Variants in CDKAL1 observed in about 807,000 individuals in gnomAD.
The protein encoded by CDKAL1 is threonylcarbamoyladenosine tRNA methylthiotransferase.
CDKAL1 carries 32 observed loss-of-function variants against 68.2 expected under a neutral mutation model. That is an observed-to-expected ratio of 0.47 (90% CI 0.35 to 0.63). The LOEUF is 0.63. Among genes scored for constraint, CDKAL1 ranks in the 30% least tolerant of loss-of-function variants. The probability of loss-of-function intolerance (pLI) is 0.00; values close to 1 mark genes in which losing one functional copy is unlikely to be tolerated. For synonymous variants in CDKAL1, 234 were observed against 244.3 expected (o/e 0.96, Z 0.39); for missense variants, 606 against 696.7 (o/e 0.87, Z 1.47).
intron 13 of CDKAL1, among the ~76,000 whole-genome samples, chr6:21,120,804 G>A (rs544149554): frequency 6.6e-6 from 1 of 152,138 alleles, no homozygotes; most frequent in East Asian, 1.9e-4. Context: ...AAAAATAGCT[G>A]TATATATTAT....
At chr6:20,955,328 TGA>T in intron 9 of CDKAL1, 89 bp from the exon 10 acceptor site, 1 of 1,301,970 alleles carries the variant, frequency 7.7e-7, no homozygotes, top group Non-Finnish European at 1.1e-6. Flanking sequence ...ATAATAGTGT[TGA>T]GAAATACTGC....
At chr6:20,592,418 G>T (rs2127701822) in intron 4 of CDKAL1, among the ~76,000 whole-genome samples, 1 of 151,236 alleles carries the variant, frequency 6.6e-6, no homozygotes, top group Non-Finnish European at 1.5e-5. Flanking sequence ...TAGGAGTGGT[G>T]AGAGAGGGCA....
chr6:21,054,081 T>C (rs6933211), intron 11 of CDKAL1, among the ~76,000 whole-genome samples: 2,412 of 152,292 alleles, frequency 0.016, 67 homozygotes, highest in African/African-American at 0.055. Flanking sequence ...GTTTAATAAT[T>C]CTGTATCTGA....
chr6:21,213,387 G>A (rs774016314), intron 15 of CDKAL1, among the ~76,000 whole-genome samples: 2 of 152,158 alleles, frequency 1.3e-5, no homozygotes, highest in Non-Finnish European at 2.9e-5. Context: ...ATAATATCTC[G>A]TTCATGAACA....
At chr6:20,815,914 A>T (rs1005178894) in intron 8 of CDKAL1, among the ~76,000 whole-genome samples, 1 of 152,154 alleles carries the variant, frequency 6.6e-6, no homozygotes, top group Non-Finnish European at 1.5e-5. Flanking sequence ...AATAACAGAA[A>T]TTTATTCTCT....
intron 13 of CDKAL1, among the ~76,000 whole-genome samples, chr6:21,152,757 T>G (rs974953831): frequency 3.3e-5 from 5 of 152,264 alleles, no homozygotes; most frequent in Admixed American, 6.5e-5. Context: ...TTTCAAAAAC[T>G]GAATTACTTT....
At chr6:20,931,048 T>G (rs1763429280) in intron 9 of CDKAL1, among the ~76,000 whole-genome samples, 1 of 152,136 alleles carries the variant, frequency 6.6e-6, no homozygotes, top group Non-Finnish European at 1.5e-5. Context: ...CGGCTGCGTA[T>G]CTTAATCTCA....
intron 5 of CDKAL1, among the ~76,000 whole-genome samples, chr6:20,666,436 G>C (rs1769546662): frequency 6.6e-6 from 1 of 150,718 alleles, no homozygotes; most frequent in African/African-American, 2.5e-5. Flanking sequence ...TGATTTAGCA[G>C]TCCTGTGTTT....
chr6:21,074,408 C>G (rs1275920310), intron 12 of CDKAL1, among the ~76,000 whole-genome samples: 1 of 152,132 alleles, frequency 6.6e-6, no homozygotes, highest in Middle Eastern at 3.2e-3. Context: ...TGAAACAAGC[C>G]TATTTCCACA....
At chr6:21,149,027 G>A (rs980911047) in intron 13 of CDKAL1, among the ~76,000 whole-genome samples, 1 of 152,156 alleles carries the variant, frequency 6.6e-6, no homozygotes, top group Non-Finnish European at 1.5e-5. Context: ...TGTGCCTGCT[G>A]GGTGCTTAGG....
At chr6:20,833,195 G>A (rs1486635497) in intron 8 of CDKAL1, among the ~76,000 whole-genome samples, 1 of 152,138 alleles carries the variant, frequency 6.6e-6, no homozygotes, top group African/African-American at 2.4e-5. Context: ...CTCTATTCTA[G>A]AACTGGTTCC....
chr6:20,954,554 T>C (rs1308887330), intron 9 of CDKAL1, among the ~76,000 whole-genome samples: 1 of 152,142 alleles, frequency 6.6e-6, no homozygotes. Flanking sequence ...CCTTTGAAAA[T>C]AGGCTGATCA....
At chr6:21,118,549 T>C (rs1774539323) in intron 13 of CDKAL1, among the ~76,000 whole-genome samples, 1 of 152,254 alleles carries the variant, frequency 6.6e-6, no homozygotes. Flanking sequence ...ATAATTTATT[T>C]TCTCTGGGGT....
chr6:21,199,882 G>A (rs971207994), intron 14 of CDKAL1, among the ~76,000 whole-genome samples: 4 of 152,292 alleles, frequency 2.6e-5, no homozygotes, highest in East Asian at 3.9e-4. Flanking sequence ...CTTTGATGAA[G>A]CAGTGTACTC....
intron 5 of CDKAL1, among the ~76,000 whole-genome samples, chr6:20,731,626 A>G (rs1772929597): frequency 6.6e-6 from 1 of 152,188 alleles, no homozygotes; most frequent in Admixed American, 6.5e-5. Flanking sequence ...TAGCCTGAGA[A>G]GCTAGGTAGT....
chr6:20,717,919 C>G (rs1000739198), intron 5 of CDKAL1, among the ~76,000 whole-genome samples: 13 of 152,134 alleles, frequency 8.5e-5, no homozygotes, highest in African/African-American at 2.9e-4. Context: ...TCATTTAGTT[C>G]AGTGTGCTCA....
chr6:20,905,255 T>C (rs1442959931), intron 9 of CDKAL1, among the ~76,000 whole-genome samples: 1 of 152,018 alleles, frequency 6.6e-6, no homozygotes, highest in Non-Finnish European at 1.5e-5. Flanking sequence ...AGACAACCTA[T>C]CAAGAAGCCG....
Position 20,780,885 on chromosome 6 carries a change from G to T in CDKAL1, c.518-260G>T, listed in dbSNP as rs531003194. On this transcript the variant is annotated intron_variant, in intron 7 of 15. Transcript: ENST00000274695. ...GATGGAGTTTCACCATGTTGATCAG[G>T]CTGGTCTCAAACTCCTGACCTCAGG... is the stretch of plus-strand genomic sequence containing the variant. 2.6e-5 allele frequency among the ~76,000 whole-genome samples: 4 copies of T among 152,050 alleles called. No homozygotes were observed. The East Asian group carries it at 7.8e-4, about 29-fold the overall frequency.
chr6:21,223,148 C>G (rs1025829037), intron 15 of CDKAL1, among the ~76,000 whole-genome samples: 3 of 152,142 alleles, frequency 2.0e-5, no homozygotes, highest in African/African-American at 7.2e-5. Context: ...TGGATAAAAT[C>G]TATTTGGTGG....
Sources: gnomAD v4.1 joint callset for allele counts (sites outside exome capture counted in the v4.1 genomes callset) on GRCh38, gnomAD v4.1.1 for gene constraint, MANE v1.5 for transcripts, NCBI Gene and HGNC (gene_info 2026-07-23, HGNC 2026-07-21) for gene names.